The following NCKAP5 variants were observed in gnomAD, a reference collection of about 807,000 sequenced individuals.
NCKAP5 encodes nck-associated protein 5.
Under a neutral mutation model 167.0 loss-of-function variants are expected in NCKAP5, and 92 were observed. The ratio of observed to expected loss-of-function variants is 0.55; its 90% CI spans 0.47 to 0.66. The LOEUF (loss-of-function observed/expected upper bound fraction) is 0.66, where lower values mean the gene tolerates loss of function less well. Ranked by LOEUF, NCKAP5 falls within the 30% of genes least tolerant of loss-of-function variation. The probability of loss-of-function intolerance (pLI) is 0.00; values close to 1 mark genes in which losing one functional copy is unlikely to be tolerated. For missense variants in NCKAP5, 2,378 were observed against 2,315.0 expected, an observed-to-expected ratio of 1.03 and a Z score of -0.56; for synonymous variants, 891 against 877.4, an observed-to-expected ratio of 1.02 and a Z score of -0.27.
chr2:132,725,828 G>A (rs1377610293), intron 18 of NCKAP5, 69 bp from the exon 19 acceptor site: 61 of 1,507,668 alleles, frequency 4.0e-5, no homozygotes, highest in South Asian at 1.8e-4. Flanking sequence ...ATCCTGTGAG[G>A]ATGCGACACA....
chr2:133,572,199 C>T (rs16826544), upstream of NCKAP5, among the ~76,000 whole-genome samples: 10,612 of 152,226 alleles, frequency 0.07, 654 homozygotes, highest in African/African-American at 0.16. Context: ...GGATGATAAA[C>T]ATTGAAGAGG....
At chr2:132,974,278 C>T (rs1276406013) in intron 7 of NCKAP5, among the ~76,000 whole-genome samples, 2 of 152,200 alleles carry the variant, frequency 1.3e-5, no homozygotes, top group African/African-American at 4.8e-5. Context: ...AATCCACCTA[C>T]TAATTCATAG....
At chr2:132,905,225 T>C (rs755408803) in intron 8 of NCKAP5, among the ~76,000 whole-genome samples, 1 of 152,228 alleles carries the variant, frequency 6.6e-6, no homozygotes, top group Non-Finnish European at 1.5e-5. Context: ...TCAGTTTTGC[T>C]TCTGTGTTGA....
At chr2:133,588,331 T>G in the NCKAP5 span, among the ~76,000 whole-genome samples, 2 of 93,232 alleles carry the variant, frequency 2.1e-5, no homozygotes, top group East Asian at 7.6e-4. Flanking sequence ...CTCCCCTCCC[T>G]TCCCTCCTTC....
At chr2:133,345,998 T>C (rs1188203121) in intron 3 of NCKAP5, among the ~76,000 whole-genome samples, 1 of 152,172 alleles carries the variant, frequency 6.6e-6, no homozygotes, top group Non-Finnish European at 1.5e-5. Context: ...AGGAAGTGTT[T>C]ATTCAGGACT....
intron 4 of NCKAP5, among the ~76,000 whole-genome samples, chr2:133,297,409 C>A (rs762506487): frequency 2.6e-5 from 4 of 152,068 alleles, no homozygotes; most frequent in Non-Finnish European, 4.4e-5. Flanking sequence ...TATTTATGAA[C>A]TCCATAAATT....
chr2:133,477,605 G>T (rs1447220668), intron 3 of NCKAP5, among the ~76,000 whole-genome samples: 2 of 152,122 alleles, frequency 1.3e-5, no homozygotes, highest in African/African-American at 4.8e-5. Context: ...TTATAAATTA[G>T]ATACCACAAG....
intron 19 of NCKAP5, among the ~76,000 whole-genome samples, chr2:132,685,398 C>T (rs894799620): frequency 3.3e-5 from 5 of 152,128 alleles, no homozygotes; most frequent in African/African-American, 1.2e-4. Context: ...ACCAGTGGCC[C>T]CATTCAACAG....
intron 19 of NCKAP5, among the ~76,000 whole-genome samples, chr2:132,695,511 C>A (rs1256696111): frequency 1.3e-5 from 2 of 152,122 alleles, no homozygotes; most frequent in African/African-American, 4.8e-5. Flanking sequence ...TGGCTGTCCC[C>A]TTGTGCCCCA....
intron 3 of NCKAP5, among the ~76,000 whole-genome samples, chr2:133,319,148 TC>T (rs373462959): frequency 0.05 from 4,249 of 84,640 alleles, 137 homozygotes; most frequent in African/African-American, 0.14. Flanking sequence ...GAGCCACCCC[TC>T]CCCCCCCGCC....
At chr2:132,703,726 A>T (rs1455587266) in intron 19 of NCKAP5, among the ~76,000 whole-genome samples, 1 of 152,204 alleles carries the variant, frequency 6.6e-6, no homozygotes, top group Non-Finnish European at 1.5e-5. Context: ...AACATTTATA[A>T]TGCACTTATT....
chr2:132,698,264 A>G (rs1296477484), intron 19 of NCKAP5, among the ~76,000 whole-genome samples: 2 of 152,116 alleles, frequency 1.3e-5, no homozygotes, highest in Non-Finnish European at 2.9e-5. Context: ...AAAAAGACCA[A>G]ATTTGTTCTG....
intron 3 of NCKAP5, among the ~76,000 whole-genome samples, chr2:133,498,277 G>A (rs1267391117): frequency 6.6e-6 from 1 of 152,108 alleles, no homozygotes; most frequent in African/African-American, 2.4e-5. Flanking sequence ...AAAGGCTGGG[G>A]AGGGGACCCA....
At chr2:133,077,798 C>T (rs1347988005) in intron 6 of NCKAP5, among the ~76,000 whole-genome samples, 1 of 152,130 alleles carries the variant, frequency 6.6e-6, no homozygotes, top group Non-Finnish European at 1.5e-5. Flanking sequence ...GAAGAATTCT[C>T]AATTTTCTTC....
intron 3 of NCKAP5, among the ~76,000 whole-genome samples, chr2:133,495,228 T>G (rs1681837373): frequency 6.6e-6 from 1 of 152,184 alleles, no homozygotes; most frequent in Non-Finnish European, 1.5e-5. Flanking sequence ...AGCTGTAGCC[T>G]GACCATTTGG....
At chr2:132,772,740 C>T (rs1330988033) in intron 16 of NCKAP5, among the ~76,000 whole-genome samples, 4 of 152,172 alleles carry the variant, frequency 2.6e-5, no homozygotes, top group Non-Finnish European at 4.4e-5. Flanking sequence ...TTCCCAATTA[C>T]GAATGAAAAG....
At chr2:132,811,759 T>G (rs893802506) in intron 11 of NCKAP5, among the ~76,000 whole-genome samples, 2 of 152,126 alleles carry the variant, frequency 1.3e-5, no homozygotes, top group African/African-American at 4.8e-5. Flanking sequence ...CAAACCAGAT[T>G]TGTGCCCTCC....
At chr2:133,038,499 G>C (rs1279554131) in intron 6 of NCKAP5, among the ~76,000 whole-genome samples, 1 of 152,002 alleles carries the variant, frequency 6.6e-6, no homozygotes, top group Non-Finnish European at 1.5e-5. Flanking sequence ...TGGGAGGGTG[G>C]GGATGGTTAA....
At chr2:132,700,179 T>C (rs1391262551) in intron 19 of NCKAP5, among the ~76,000 whole-genome samples, 2 of 152,158 alleles carry the variant, frequency 1.3e-5, no homozygotes, top group Non-Finnish European at 2.9e-5. Context: ...ATGGGGTTGA[T>C]TTTTTCTTGT....
Sources: allele counts gnomAD v4.1 joint callset (sites outside exome capture counted in the v4.1 genomes callset), GRCh38; gene constraint gnomAD v4.1.1; transcripts MANE v1.5; gene names NCBI Gene and HGNC (gene_info 2026-07-23, HGNC 2026-07-21).